CDH13: variants seen among roughly 807,000 people sequenced by gnomAD.
CDH13 encodes cadherin-13.
A neutral mutation model predicts 63.8 loss-of-function variants in CDH13; 24 were observed. The ratio of observed to expected loss-of-function variants is 0.38; its 90% CI spans 0.27 to 0.53. The LOEUF is 0.53. Ranked by LOEUF, CDH13 falls within the 20% of genes least tolerant of loss-of-function variation. CDH13 has a pLI of 0.85. For synonymous variants in CDH13, 503 were observed against 355.3 expected (o/e 1.42, Z -4.67); for missense variants, 1,049 against 903.1 (o/e 1.16, Z -2.07).
chr16:83,484,480 C>G (rs1397851279), intron 6 of CDH13, among the ~76,000 whole-genome samples: 2 of 152,204 alleles, frequency 1.3e-5, no homozygotes, highest in Non-Finnish European at 2.9e-5. Flanking sequence ...AATGTGGTAG[C>G]AATACAATTG....
intron 2 of CDH13, among the ~76,000 whole-genome samples, chr16:82,991,683 C>G (rs1418425576): frequency 6.6e-6 from 1 of 152,152 alleles, no homozygotes; most frequent in Non-Finnish European, 1.5e-5. Context: ...CAAGCAACCG[C>G]TGATGTGAAC....
chr16:83,548,674 G>A (rs1189037744), intron 7 of CDH13, among the ~76,000 whole-genome samples: 1 of 152,140 alleles, frequency 6.6e-6, no homozygotes, highest in Non-Finnish European at 1.5e-5. Flanking sequence ...ACATCCAAGT[G>A]AGGAGATGGC....
chr16:83,669,643 C>T (rs992041664), intron 8 of CDH13, among the ~76,000 whole-genome samples: 5 of 152,292 alleles, frequency 3.3e-5, no homozygotes, highest in Middle Eastern at 3.4e-3. Context: ...TTGCAGTCCC[C>T]GCCCTGTCCC....
chr16:82,991,929 T>A (rs2043304180), intron 2 of CDH13, among the ~76,000 whole-genome samples: 1 of 152,100 alleles, frequency 6.6e-6, no homozygotes, highest in African/African-American at 2.4e-5. Context: ...CTTTTTCCAT[T>A]AATCAAAAAG....
intron 2 of CDH13, among the ~76,000 whole-genome samples, chr16:82,899,107 A>G (rs1567642584): frequency 6.6e-6 from 1 of 152,230 alleles, no homozygotes; most frequent in East Asian, 1.9e-4. Flanking sequence ...TCAGTTGTCT[A>G]GAGAAATAGA....
chr16:83,745,052 G>A (rs772358040), intron 10 of CDH13, among the ~76,000 whole-genome samples: 11 of 152,168 alleles, frequency 7.2e-5, no homozygotes, highest in Non-Finnish European at 1.2e-4. Flanking sequence ...TGTAAAAGGG[G>A]AGGAATAATA....
chr16:82,682,318 C>T (rs1914634937), intron 1 of CDH13, among the ~76,000 whole-genome samples: 1 of 152,198 alleles, frequency 6.6e-6, no homozygotes, highest in Non-Finnish European at 1.5e-5. Flanking sequence ...CTGCATTTAT[C>T]AAGCTTTTCT....
intron 10 of CDH13, among the ~76,000 whole-genome samples, chr16:83,745,265 G>A (rs568311273): frequency 6.6e-6 from 1 of 152,300 alleles, no homozygotes; most frequent in South Asian, 2.1e-4. Context: ...AGCCTCTCCT[G>A]GCGTCCTTCT....
chr16:82,696,709 C>A (rs1310075179), intron 1 of CDH13, among the ~76,000 whole-genome samples: 1 of 152,186 alleles, frequency 6.6e-6, no homozygotes. Flanking sequence ...GGGATGCTAT[C>A]TATGTATGTT....
At chr16:83,722,497 A>T in intron 10 of CDH13, among the ~76,000 whole-genome samples, 1 of 152,306 alleles carries the variant, frequency 6.6e-6, no homozygotes, top group Non-Finnish European at 1.5e-5. Context: ...AAATACTTCT[A>T]TCATGGAATT....
At chr16:82,668,104 G>T (rs1912818484) in intron 1 of CDH13, among the ~76,000 whole-genome samples, 1 of 152,120 alleles carries the variant, frequency 6.6e-6, no homozygotes, top group South Asian at 2.1e-4. Flanking sequence ...TACCCTGCCA[G>T]GGAGACCTGC....
chr16:83,215,886 G>A (rs1405860866), intron 4 of CDH13, among the ~76,000 whole-genome samples: 1 of 152,128 alleles, frequency 6.6e-6, no homozygotes, highest in Non-Finnish European at 1.5e-5. Context: ...AGGTTCTGAT[G>A]ATAAAGTGAC....
intron 2 of CDH13, among the ~76,000 whole-genome samples, chr16:82,980,566 T>A (rs1380926580): frequency 6.6e-6 from 1 of 152,232 alleles, no homozygotes; most frequent in Non-Finnish European, 1.5e-5. Context: ...ATGGTAACAC[T>A]GTGCGGAGCT....
At chr16:82,763,306 C>G (rs2034924730) in intron 1 of CDH13, among the ~76,000 whole-genome samples, 1 of 152,212 alleles carries the variant, frequency 6.6e-6, no homozygotes. Context: ...TTTTTCTTCA[C>G]AGCACTTATT....
At chr16:83,114,587 A>G (rs766964378) in intron 3 of CDH13, among the ~76,000 whole-genome samples, 13 of 152,204 alleles carry the variant, frequency 8.5e-5, no homozygotes, top group Non-Finnish European at 1.8e-4. Flanking sequence ...TATCAGCATA[A>G]TTCTATACAG....
At chr16:82,963,020 T>C (rs1021661501) in intron 2 of CDH13, among the ~76,000 whole-genome samples, 1 of 152,144 alleles carries the variant, frequency 6.6e-6, no homozygotes, top group East Asian at 1.9e-4. Flanking sequence ...ATTTGTATAT[T>C]TTTCTAGTAA....
chr16:82,932,846 G>A (rs185281923), intron 2 of CDH13, among the ~76,000 whole-genome samples: 46 of 152,246 alleles, frequency 3.0e-4, no homozygotes, highest in South Asian at 4.2e-4. Flanking sequence ...GTAAGATTCC[G>A]TACTTGATTC....
At chr16:83,684,388 T>G (rs1904283225) in intron 10 of CDH13, among the ~76,000 whole-genome samples, 1 of 151,334 alleles carries the variant, frequency 6.6e-6, no homozygotes, top group Non-Finnish European at 1.5e-5. Flanking sequence ...AAAAAAAAAG[T>G]AGCCGAAAGA....
intron 3 of CDH13, among the ~76,000 whole-genome samples, chr16:83,062,460 C>T (rs556330230): frequency 5.9e-5 from 9 of 152,246 alleles, no homozygotes; most frequent in South Asian, 4.1e-4. Flanking sequence ...AATTTCTAAT[C>T]GAATAGCAGT....
Sources: allele counts gnomAD v4.1 joint callset (sites outside exome capture counted in the v4.1 genomes callset), GRCh38; gene constraint gnomAD v4.1.1; transcripts MANE v1.5; gene names NCBI Gene and HGNC (gene_info 2026-07-23, HGNC 2026-07-21).